TMPRSS4: variants seen among roughly 807,000 people sequenced by gnomAD.
TMPRSS4 encodes transmembrane protease serine 4.
In TMPRSS4, 45 loss-of-function variants were observed where a neutral mutation model predicts 56.4. That is an observed-to-expected ratio of 0.80 (90% CI 0.63 to 1.02). TMPRSS4 has a LOEUF of 1.02. Among genes scored for constraint, TMPRSS4 ranks in the 50% least tolerant of loss-of-function variants. TMPRSS4 has a pLI of 0.00. For missense variants in TMPRSS4, 546 were observed against 556.7 expected, an observed-to-expected ratio of 0.98 and a Z score of 0.19; for synonymous variants, 205 against 211.0, an observed-to-expected ratio of 0.97 and a Z score of 0.25.
intron 1 of TMPRSS4, among the ~76,000 whole-genome samples, chr11:118,090,258 CTG>C (rs1038442669): frequency 3.9e-5 from 6 of 152,210 alleles, no homozygotes; most frequent in African/African-American, 1.2e-4. Flanking sequence ...AGTCCTCAAA[CTG>C]AGATATTTTC....
chr11:118,112,379 C>CTTTTTTTTTTTTTTT (rs71469160), intron 8 of TMPRSS4, among the ~76,000 whole-genome samples: 1 of 45,724 alleles, frequency 2.2e-5, no homozygotes, highest in Non-Finnish European at 3.9e-5. Flanking sequence ...ACCCCCTTCA[C>CTTTTTTTTTTTTTTT]TTTTTTTTTT....
intron 1 of TMPRSS4, among the ~76,000 whole-genome samples, chr11:118,091,741 TGACTA>T (rs1486305817): frequency 2.0e-5 from 3 of 152,228 alleles, no homozygotes; most frequent in Non-Finnish European, 4.4e-5. Context: ...GATATCGACT[TGACTA>T]GACAAGAGTT....
At chr11:118,092,653 G>C (rs1189333511) in intron 1 of TMPRSS4, among the ~76,000 whole-genome samples, 1 of 152,228 alleles carries the variant, frequency 6.6e-6, no homozygotes, top group Non-Finnish European at 1.5e-5. Context: ...CGTTAGTCTA[G>C]TCCCCAGACA....
intron 1 of TMPRSS4, among the ~76,000 whole-genome samples, chr11:118,092,592 T>C (rs1946042317): frequency 6.6e-6 from 1 of 152,252 alleles, no homozygotes. Context: ...CAGAATCTTG[T>C]AACCTCCAGC....
rs777834141 is a variant in TMPRSS4 at position 118,117,466 on chromosome 11, T to C, written c.1302+12T>C. 2.5e-6 allele frequency: 4 copies of C among 1,607,672 alleles called. No homozygotes were observed. In the South Asian group the frequency reaches 4.4e-5, roughly 18 times the overall value. On this transcript the variant is annotated intron_variant, in intron 12 of 12. Coordinates refer to ENST00000437212, the MANE Select transcript of TMPRSS4 (RefSeq NM_019894.4). ...ACAATGTCTGGAAGGTAAGGTACCT[T>C]TGCCCTACCCACTGTGCCTTCCCTC...
chr11:118,082,164 A>G (rs1034261413), intron 1 of TMPRSS4, among the ~76,000 whole-genome samples: 3 of 152,164 alleles, frequency 2.0e-5, no homozygotes, highest in Admixed American at 6.5e-5. Context: ...CAAATGCAAC[A>G]AGGGCCCCAT....
chr11:118,077,441 A>T (rs767564946), intron 1 of TMPRSS4, 136 bp downstream of exon 1: 131 of 1,037,314 alleles, frequency 1.3e-4, no homozygotes, highest in Admixed American at 1.2e-3. Context: ...CCACACCCAA[A>T]TCCCCTCACA....
chr11:118,103,318 G>C, intron 4 of TMPRSS4, 65 bp downstream of exon 4: 7 of 1,568,906 alleles, frequency 4.5e-6, no homozygotes, highest in Non-Finnish European at 6.1e-6. Flanking sequence ...GGCCCCCACG[G>C]CCCACTGCAT....
At chr11:118,117,270 C>T in intron 11 of TMPRSS4, 35 bp from the exon 12 acceptor site, 1 of 1,612,290 alleles carries the variant, frequency 6.2e-7, no homozygotes, top group South Asian at 1.1e-5. Flanking sequence ...ACCTCACCTG[C>T]CCTCCCCAGC....
At chr11:118,085,705 T>G (rs562625992) in intron 1 of TMPRSS4, among the ~76,000 whole-genome samples, 1 of 152,302 alleles carries the variant, frequency 6.6e-6, no homozygotes, top group African/African-American at 2.4e-5. Flanking sequence ...GGCAAACCCA[T>G]GAGGGTCCCT....
Position 118,077,290 on chromosome 11 carries a change from T to A in TMPRSS4, c.-13T>A. 6.2e-7 allele frequency: 1 copy of A among 1,601,906 alleles called. No homozygotes were observed. Among genetic ancestry groups the A allele is most frequent in the African/African-American group, 1.3e-5 (1 of 74,710 alleles). On this transcript the variant is annotated 5_prime_UTR_variant, in exon 1 of 13. Transcript: ENST00000437212. ...CCAGGCTACAGGGAGACCGGGAGGA[T>A]CACAGAGCCAGCATGGTGAGTGTGG... is the stretch of plus-strand genomic sequence containing the variant.
chr11:118,080,013 C>T (rs188197428), intron 1 of TMPRSS4, among the ~76,000 whole-genome samples: 3 of 152,186 alleles, frequency 2.0e-5, no homozygotes, highest in Non-Finnish European at 4.4e-5. Flanking sequence ...ACTCCCCCCC[C>T]ACCAAAAGAA....
intron 3 of TMPRSS4, chr11:118,102,885 A>G: frequency 1.7e-6 from 1 of 584,050 alleles, no homozygotes; most frequent in East Asian, 2.9e-5. Flanking sequence ...CTCCGCAGAC[A>G]TCTTGTGGGG....
intron 7 of TMPRSS4, among the ~76,000 whole-genome samples, chr11:118,109,975 T>C (rs1048062668): frequency 3.9e-5 from 6 of 152,210 alleles, no homozygotes; most frequent in Non-Finnish European, 7.3e-5. Flanking sequence ...AGGTCCTCCC[T>C]TGAGGGGCCT....
intron 7 of TMPRSS4, among the ~76,000 whole-genome samples, chr11:118,110,641 G>A (rs1446043221): frequency 6.6e-6 from 1 of 152,170 alleles, no homozygotes; most frequent in African/African-American, 2.4e-5. Flanking sequence ...CCAAAGTGCT[G>A]GGATTACAGG....
chr11:118,085,155 C>G (rs1591345016), intron 1 of TMPRSS4, among the ~76,000 whole-genome samples: 1 of 152,108 alleles, frequency 6.6e-6, no homozygotes, highest in East Asian at 1.9e-4. Context: ...AAGAAGGAAA[C>G]TGGGTCCAGG....
chr11:118,122,048 A>G (rs76043503), downstream of TMPRSS4, among the ~76,000 whole-genome samples: 8,431 of 152,302 alleles, frequency 0.055, 821 homozygotes, highest in East Asian at 0.4. Context: ...AACAATTGAA[A>G]GTAGCAATTG....
intron 1 of TMPRSS4, among the ~76,000 whole-genome samples, chr11:118,083,294 A>T (rs1376491503): frequency 6.6e-6 from 1 of 152,218 alleles, no homozygotes; most frequent in Non-Finnish European, 1.5e-5. Flanking sequence ...CACACACTTG[A>T]AGCTTTCATG....
At position 118,119,069 on chromosome 11, in the gene TMPRSS4, T is replaced by C; in HGVS notation, c.*1156T>C. Reference sequence around the variant, plus strand: ...AAGTCAGATCCTAGATGAAATATACTTGTTCATACTGTACTAGGTTCTTAG... The same window carrying C: ...AAGTCAGATCCTAGATGAAATATACCTGTTCATACTGTACTAGGTTCTTAG... On this transcript the variant is annotated 3_prime_UTR_variant, in exon 13 of 13. Transcript: ENST00000437212. 1.0e-6 allele frequency: 1 copy of C among 985,446 alleles called. No homozygotes were observed. The highest frequency in any genetic ancestry group is 1.2e-6 in the Non-Finnish European group (1 of 829,938). The allele number at this position is 985,446 out of a possible 1,614,324, so 61.0% of individuals were successfully genotyped here.
Sources: allele counts gnomAD v4.1 joint callset (sites outside exome capture counted in the v4.1 genomes callset), GRCh38; gene constraint gnomAD v4.1.1; transcripts MANE v1.5; gene names NCBI Gene and HGNC (gene_info 2026-07-23, HGNC 2026-07-21).